BAX: variants seen among roughly 807,000 people sequenced by gnomAD.
The protein encoded by BAX is apoptosis regulator BAX.
BAX carries 21 observed loss-of-function variants against 26.8 expected under a neutral mutation model. The ratio of observed to expected loss-of-function variants is 0.78; its 90% CI spans 0.56 to 1.13. BAX has a LOEUF of 1.13. Among genes scored for constraint, BAX ranks in the 50% most tolerant of loss-of-function variants. BAX has a pLI of 0.00. For synonymous variants in BAX, 110 were observed against 101.8 expected, an observed-to-expected ratio of 1.08 and a Z score of -0.49; for missense variants, 236 against 254.6, an observed-to-expected ratio of 0.93 and a Z score of 0.50.
At position 48,956,283 on chromosome 19, in the gene BAX, TG is replaced by T; in HGVS notation, c.323del (p.Gly108AlafsTer25). On this transcript the variant is annotated frameshift_variant, in exon 4 of 6. Transcript: ENST00000345358. LOFTEE classifies it high-confidence loss of function. ...ADMFSDGNFNWGRVVALFYFA... is the reference protein window; with the variant it reads ...ADMFSDGNFNXGRVVALFYFA... ...CATGTTTTCTGACGGCAACTTCAAC[TG>T]GGGCCGGGTTGTCGCCCTTTTCTAC... is the stretch of plus-strand genomic sequence containing the variant. 1 of 1,590,120 alleles carries T rather than the reference TG, an allele frequency of 6.3e-7. No homozygotes were observed. Among genetic ancestry groups the T allele is most frequent in the Non-Finnish European group, 8.6e-7 (1 of 1,168,970 alleles).
chr19:48,961,012 C>A, intron 5 of BAX, 98 bp downstream of exon 5: 1 of 1,611,510 alleles, frequency 6.2e-7, no homozygotes, highest in Non-Finnish European at 8.5e-7. Flanking sequence ...GGACCCTGGG[C>A]CTTCTGGAGC....
chr19:48,955,404 G>A, intron 1 of BAX, 144 bp from the exon 2 acceptor site: 1 of 885,240 alleles, frequency 1.1e-6, no homozygotes, highest in South Asian at 2.1e-5. Flanking sequence ...AGTTGTCTGG[G>A]CCCCCCCGTC....
chr19:48,954,970 G>A lies in BAX; in HGVS notation c.34+8G>A. 1 of 1,241,116 alleles carries A rather than the reference G, an allele frequency of 8.1e-7. No individual in the cohort carries two copies. The allele number at this position is 1,241,116 out of a possible 1,614,324, so 76.9% of individuals were successfully genotyped here. ...AGCAGCCCAGAGGCGGGGGTGAGGC[G>A]GGAGGCAGACGGGCGGGAGGAGGGC... On this transcript the variant is annotated splice_region_variant and intron_variant, in intron 1 of 5. Coordinates refer to ENST00000345358, the MANE Select transcript of BAX (RefSeq NM_138761.4).
rs1459804447 is a variant in BAX at position 48,956,336 on chromosome 19, G to A, written c.369+3G>A. 1.3e-6 allele frequency: 2 copies of A among 1,558,114 alleles called. No individual in the cohort carries two copies. The highest frequency in any genetic ancestry group is 1.9e-5 in the Admixed American group (1 of 51,676). ...TTGCCAGCAAACTGGTGCTCAAGGT[G>A]GGCAGCTGCAGGGCAGTGAGCCCAG... On this transcript the variant is annotated splice_donor_region_variant and intron_variant, in intron 4 of 5. Transcript: ENST00000345358.
intron 1 of BAX, chr19:48,955,248 G>C (rs1010135473): frequency 2.4e-5 from 10 of 418,414 alleles, no homozygotes; most frequent in African/African-American, 2.0e-4. Context: ...ACCACTTCCT[G>C]CCTCTGGCAC....
At position 48,961,678 on chromosome 19, in the gene BAX, A is replaced by G. The variant is rs1568609815; in HGVS notation, c.*42A>G. On this transcript the variant is annotated 3_prime_UTR_variant, in exon 6 of 6. Coordinates refer to ENST00000345358, the MANE Select transcript of BAX (RefSeq NM_138761.4). Reference sequence around the variant, plus strand: ...GGACTGTGTTTTTCCTCCATAAATTATGGCATTTTTCTGGGAGGGGTGGGG... The same window carrying G: ...GGACTGTGTTTTTCCTCCATAAATTGTGGCATTTTTCTGGGAGGGGTGGGG... 2 of 1,331,172 alleles carry G rather than the reference A, an allele frequency of 1.5e-6. No individual in the cohort carries two copies. Among genetic ancestry groups the G allele is most frequent in the Non-Finnish European group, 2.0e-6 (2 of 983,568 alleles). The allele number at this position is 1,331,172 out of a possible 1,614,324, so 82.5% of individuals were successfully genotyped here.
At chr19:48,960,751 A>G in intron 4 of BAX, 59 bp from the exon 5 acceptor site, 1 of 1,409,120 alleles carries the variant, frequency 7.1e-7, no homozygotes, top group Non-Finnish European at 9.8e-7. Context: ...GTTTGGGGCC[A>G]CTATCTCCAG....
Position 48,955,848 on chromosome 19 carries a change from G to A in BAX, c.233+15G>A. On this transcript the variant is annotated intron_variant, in intron 3 of 5. Coordinates refer to ENST00000345358, the MANE Select transcript of BAX (RefSeq NM_138761.4). ...GAGCTGCAGAGGTGTGGGCCCCTGA[G>A]GACCCAGAAGTCCAGCCACTGGGCT... 1 of 1,557,096 alleles carries A rather than the reference G, an allele frequency of 6.4e-7. No individual in the cohort carries two copies. Among genetic ancestry groups the A allele is most frequent in the Non-Finnish European group, 8.7e-7 (1 of 1,149,294 alleles).
chr19:48,955,951 G>T, intron 3 of BAX, 118 bp downstream of exon 3: 1 of 1,338,038 alleles, frequency 7.5e-7, no homozygotes, highest in Non-Finnish European at 1.0e-6. Context: ...ACAACTCAGC[G>T]CAAACATTCC....
intron 4 of BAX, among the ~76,000 whole-genome samples, chr19:48,959,117 G>A (rs1239999092): frequency 1.3e-5 from 2 of 151,586 alleles, no homozygotes; most frequent in Non-Finnish European, 2.9e-5. Context: ...TTGGGAGGCC[G>A]AGGCAGGGGG....
Position 48,961,648 on chromosome 19 carries a change from G to T in BAX, c.*12G>T. The T allele has an allele frequency of 6.3e-7, 1 of 1,576,332 alleles. No individual in the cohort carries two copies. Among genetic ancestry groups the T allele is most frequent in the Admixed American group, 1.8e-5 (1 of 55,380 alleles). On this transcript the variant is annotated 3_prime_UTR_variant, in exon 6 of 6. Coordinates refer to ENST00000345358, the MANE Select transcript of BAX (RefSeq NM_138761.4). ...AGAAGATGGGCTGAGGCCCCCAGCT[G>T]CCTTGGACTGTGTTTTTCCTCCATA...
At chr19:48,958,834 C>T (rs776493842) in intron 4 of BAX, among the ~76,000 whole-genome samples, 2 of 152,012 alleles carry the variant, frequency 1.3e-5, no homozygotes, top group Admixed American at 6.6e-5. Flanking sequence ...CGTGAGCCAC[C>T]GTGCTCAGCT....
chr19:48,954,941 G>C lies in BAX; in HGVS notation c.13G>C (p.Gly5Arg), dbSNP rs1600099752. 2 of 1,243,950 alleles carry C rather than the reference G, an allele frequency of 1.6e-6. No homozygotes were observed. The highest frequency in any genetic ancestry group is 3.7e-5 in the Admixed American group (1 of 27,034). 77.1% of individuals were successfully genotyped at this position (1,243,950 alleles called of 1,614,324 possible). A position where few individuals can be genotyped will look rare whatever the true frequency, so the allele number is the denominator to read the frequency against. Residue 5 changes from glycine to arginine, a missense_variant, in exon 1 of 6, where the codon GGG (glycine) becomes CGG (arginine). By Grantham distance (125) the Gly-to-Arg change is moderately radical (BLOSUM62 -2). Transcript: ENST00000345358. ...GGGAGCGGCGGTGATGGACGGGTCC[G>C]GGGAGCAGCCCAGAGGCGGGGGTGA... is the stretch of plus-strand genomic sequence containing the variant. MDGS[G>R]EQPRGGGPTS...
chr19:48,960,209 T>A (rs748292212), intron 4 of BAX: 16 of 446,396 alleles, frequency 3.6e-5, no homozygotes, highest in Middle Eastern at 7.0e-4. Flanking sequence ...TTATTTATTT[T>A]TTGAGACGGA....
At chr19:48,959,942 G>A (rs188246055) in intron 4 of BAX, among the ~76,000 whole-genome samples, 3 of 144,110 alleles carry the variant, frequency 2.1e-5, no homozygotes, top group East Asian at 4.2e-4. Flanking sequence ...TCAGTGAGCC[G>A]AGATTGCGCC....
intron 5 of BAX, 152 bp from the exon 6 acceptor site, chr19:48,961,380 C>A (rs1017113953): frequency 1.7e-6 from 2 of 1,203,398 alleles, no homozygotes; most frequent in Non-Finnish European, 2.3e-6. Context: ...AGCCACCATG[C>A]CTGGCCTGAG....
In BAX at chr19:48,961,574, G is replaced by C. The variant is rs377294979; in HGVS notation, c.517G>C (p.Val173Leu). ...SYFGTPTWQT[V>L]TIFVAGVLTA... is the part of the protein sequence containing the mutation. Reference sequence around the variant, plus strand: ...CTTTGGGACGCCCACGTGGCAGACCGTGACCATCTTTGTGGCGGGAGTGCT... The same window carrying C: ...CTTTGGGACGCCCACGTGGCAGACCCTGACCATCTTTGTGGCGGGAGTGCT... The change falls in exon 6 of 6, where the codon GTG becomes CTG. Residue 173 changes from valine to leucine, a missense_variant. Physicochemically the swap from Val to Leu is conservative, Grantham distance 32. Coordinates refer to ENST00000345358, the MANE Select transcript of BAX (RefSeq NM_138761.4). 1.2e-6 allele frequency: 2 copies of C among 1,611,902 alleles called. No homozygotes were observed. The highest frequency in any genetic ancestry group is 2.2e-5 in the East Asian group (1 of 44,832).
At chr19:48,955,189 G>T (rs2038073923) in intron 1 of BAX, 1 of 511,292 alleles carries the variant, frequency 2.0e-6, no homozygotes, top group Non-Finnish European at 3.0e-6. Flanking sequence ...TCGAGAACCA[G>T]GGGATCTCGG....
chr19:48,959,514 A>T (rs1299063038), intron 4 of BAX, among the ~76,000 whole-genome samples: 59 of 26,512 alleles, frequency 2.2e-3, no homozygotes, highest in Admixed American at 0.01. Context: ...TAAAAAATTA[A>T]AAAAAAAAAA....
Sources: gnomAD v4.1 joint callset for allele counts (sites outside exome capture counted in the v4.1 genomes callset) on GRCh38, gnomAD v4.1.1 for gene constraint, MANE v1.5 for transcripts, NCBI Gene and HGNC (gene_info 2026-07-23, HGNC 2026-07-21) for gene names.